Variants in EXOC6B observed in about 807,000 individuals in gnomAD.
EXOC6B encodes the protein exocyst complex component 6B, also known as SEC15 homolog B.
In EXOC6B, 54 loss-of-function variants were observed where a neutral mutation model predicts 113.5. That is an observed-to-expected ratio of 0.48 (90% CI 0.38 to 0.60). The LOEUF (loss-of-function observed/expected upper bound fraction) is 0.60. EXOC6B is among the 20% of genes least tolerant of loss of function. EXOC6B has a pLI of 0.00. For synonymous variants in EXOC6B, 357 were observed against 339.0 expected, an observed-to-expected ratio of 1.05 and a Z score of -0.58; for missense variants, 797 against 977.5, an observed-to-expected ratio of 0.82 and a Z score of 2.46.
At chr2:72,605,966 CTT>C (rs1314808039) in intron 6 of EXOC6B, among the ~76,000 whole-genome samples, 3 of 151,974 alleles carry the variant, frequency 2.0e-5, no homozygotes, top group African/African-American at 7.3e-5. Flanking sequence ...CTTTATATGA[CTT>C]TAGATAAAAT....
intron 6 of EXOC6B, among the ~76,000 whole-genome samples, chr2:72,714,824 A>G (rs1679504873): frequency 6.6e-6 from 1 of 152,200 alleles, no homozygotes; most frequent in Non-Finnish European, 1.5e-5. Flanking sequence ...AGAGGAGAAG[A>G]AAAATAAAAT....
chr2:72,774,913 C>A (rs533179749), intron 1 of EXOC6B, among the ~76,000 whole-genome samples: 23 of 152,286 alleles, frequency 1.5e-4, no homozygotes, highest in Non-Finnish European at 2.2e-4. Flanking sequence ...CCCTCCCTAC[C>A]AGGTTCAATA....
At chr2:72,728,612 A>T (rs1508061) in intron 5 of EXOC6B, among the ~76,000 whole-genome samples, 93,330 of 152,092 alleles carry the variant, frequency 0.61, 34,898 homozygotes, top group East Asian at 0.99. Flanking sequence ...TGACTCAGGG[A>T]CTCAACCAGC....
At chr2:72,624,777 G>C (rs1396108648) in intron 6 of EXOC6B, among the ~76,000 whole-genome samples, 2 of 151,954 alleles carry the variant, frequency 1.3e-5, no homozygotes. Flanking sequence ...ACAACAAAAA[G>C]CATTTATATA....
chr2:72,433,783 T>C (rs1695687565), intron 18 of EXOC6B, among the ~76,000 whole-genome samples: 2 of 152,230 alleles, frequency 1.3e-5, no homozygotes, highest in South Asian at 4.1e-4. Flanking sequence ...TTGAAGTTGC[T>C]TAACAGCTTG....
At position 72,669,531 on chromosome 2, in the gene EXOC6B, C is replaced by T. The variant is rs114855536; in HGVS notation, c.669+48572G>A. On this transcript the variant is annotated intron_variant, in intron 6 of 21. Transcript: ENST00000272427. ...CAATATCACCAACTACTTAAATGTA[C>T]ATCTATACAATTACAGAAACAACAA... is the stretch of plus-strand genomic sequence containing the variant. Among the ~76,000 whole-genome samples, 824 of 152,160 alleles carry T rather than the reference C, an allele frequency of 5.4e-3. 9 individuals carry two copies. The highest frequency in any genetic ancestry group is 0.019 in the African/African-American group (785 of 41,504).
At chr2:72,710,899 C>G (rs1369594496) in intron 6 of EXOC6B, among the ~76,000 whole-genome samples, 1 of 152,138 alleles carries the variant, frequency 6.6e-6, no homozygotes, top group Admixed American at 6.6e-5. Flanking sequence ...AGTTCATTTC[C>G]TTAAATCAGT....
chr2:72,364,863 T>C (rs1029687623), intron 19 of EXOC6B, among the ~76,000 whole-genome samples: 46 of 152,172 alleles, frequency 3.0e-4, no homozygotes, highest in Non-Finnish European at 4.7e-4. Context: ...TATTGGTTGA[T>C]TGCCTACACC....
At chr2:72,199,602 C>T (rs1360757444) in intron 20 of EXOC6B, among the ~76,000 whole-genome samples, 2 of 152,114 alleles carry the variant, frequency 1.3e-5, no homozygotes, top group African/African-American at 4.8e-5. Context: ...GCTTCCTCTC[C>T]ACCGCCATTC....
chr2:72,397,626 A>AAATAAAAAT (rs1692816577), intron 18 of EXOC6B, among the ~76,000 whole-genome samples: 2 of 131,616 alleles, frequency 1.5e-5, no homozygotes, highest in African/African-American at 6.2e-5. Context: ...TCAAAAAAAA[A>AAATAAAAAT]AAATAAAATA....
chr2:72,322,171 A>C (rs1687876918), intron 20 of EXOC6B, among the ~76,000 whole-genome samples: 1 of 152,172 alleles, frequency 6.6e-6, no homozygotes, highest in Admixed American at 6.5e-5. Context: ...AAAGAACAAA[A>C]TGTTCATAAA....
intron 20 of EXOC6B, among the ~76,000 whole-genome samples, chr2:72,209,520 T>A (rs867480832): frequency 8.1e-4 from 123 of 151,614 alleles, no homozygotes; most frequent in Admixed American, 8.6e-4. Context: ...TCTCCAAAAA[T>A]TTTTTTTTCA....
At chr2:72,597,756 C>T (rs1364765421) in intron 6 of EXOC6B, among the ~76,000 whole-genome samples, 1 of 151,828 alleles carries the variant, frequency 6.6e-6, no homozygotes, top group Non-Finnish European at 1.5e-5. Context: ...ACATATACCA[C>T]ACGAACAGTA....
chr2:72,569,158 C>T (rs1704373857), intron 7 of EXOC6B, among the ~76,000 whole-genome samples: 1 of 152,058 alleles, frequency 6.6e-6, no homozygotes, highest in South Asian at 2.1e-4. Flanking sequence ...CTTTTGACTG[C>T]ATATGTCCTT....
chr2:72,188,160 C>G (rs1678570151), intron 20 of EXOC6B, among the ~76,000 whole-genome samples: 1 of 152,140 alleles, frequency 6.6e-6, no homozygotes, highest in Admixed American at 6.5e-5. Flanking sequence ...CTCTTGCCTG[C>G]TCCCCAGCTC....
intron 20 of EXOC6B, among the ~76,000 whole-genome samples, chr2:72,241,780 G>T (rs1272646321): frequency 6.6e-6 from 1 of 152,160 alleles, no homozygotes; most frequent in African/African-American, 2.4e-5. Context: ...CTTCAAAAGT[G>T]AAAGTGAAAT....
At chr2:72,323,605 A>G (rs541376083) in intron 20 of EXOC6B, among the ~76,000 whole-genome samples, 18 of 152,312 alleles carry the variant, frequency 1.2e-4, no homozygotes, top group African/African-American at 3.8e-4. Context: ...TCAATGATAG[A>G]CTGGATAAAG....
intron 17 of EXOC6B, among the ~76,000 whole-genome samples, chr2:72,474,484 A>T (rs1158290826): frequency 2.6e-5 from 4 of 151,740 alleles, no homozygotes; most frequent in African/African-American, 9.7e-5. Context: ...CTTTTATTTT[A>T]TATAAAGAAT....
chr2:72,401,638 C>CATATATATATATATATGTGTATATATAT (rs1343954890), intron 18 of EXOC6B, among the ~76,000 whole-genome samples: 1 of 15,486 alleles, frequency 6.5e-5, no homozygotes, highest in Non-Finnish European at 1.1e-4. Context: ...TATATATATA[C>CATATATATATATATATGTGTATATATAT]ATATATACAT....
Sources: allele counts gnomAD v4.1 joint callset (sites outside exome capture counted in the v4.1 genomes callset), GRCh38; gene constraint gnomAD v4.1.1; transcripts MANE v1.5; gene names NCBI Gene and HGNC (gene_info 2026-07-23, HGNC 2026-07-21).